SLITRK5: variants seen among roughly 807,000 people sequenced by gnomAD.
The protein encoded by SLITRK5 is SLIT and NTRK like family member 5.
A neutral mutation model predicts 56.2 loss-of-function variants in SLITRK5; 23 were observed. The ratio of observed to expected loss-of-function variants is 0.41; its 90% CI spans 0.29 to 0.58. The LOEUF (loss-of-function observed/expected upper bound fraction) is 0.58. Ranked by LOEUF, SLITRK5 falls within the 20% of genes least tolerant of loss-of-function variation. The pLI, the probability that SLITRK5 is intolerant of heterozygous loss-of-function variation, is 0.30. For missense variants in SLITRK5, 1,289 were observed against 1,226.6 expected (o/e 1.05, Z -0.76); for synonymous variants, 637 against 531.8 (o/e 1.20, Z -2.72).
chr13:87,677,880 C>T lies in SLITRK5; in HGVS notation c.2492C>T (p.Pro831Leu), dbSNP rs1347409052. 1 of 1,611,810 alleles carries T rather than the reference C, an allele frequency of 6.2e-7. No individual in the cohort carries two copies. Among genetic ancestry groups the T allele is most frequent in the South Asian group, 1.1e-5 (1 of 90,952 alleles). Residue 831 changes from proline to leucine, a missense_variant, in exon 2 of 2, where the codon CCC (proline) becomes CTC (leucine). By Grantham distance (98) the Pro-to-Leu change is moderately conservative. Transcript: ENST00000683689. The surrounding 1 kb of genome is among the most constrained non-coding windows in gnomAD (Gnocchi z 4.7). ...CGGGAAAGCCACCACTTGCGGAGCCCCGCCTACAGCGTCAGCACCATCGAG... is the reference window on the plus strand; with the variant it reads ...CGGGAAAGCCACCACTTGCGGAGCCTCGCCTACAGCGTCAGCACCATCGAG... ...ERRESHHLRS[P>L]AYSVSTIEPR...
In SLITRK5 at chr13:87,677,482, C is replaced by T. The variant is rs767618776; in HGVS notation, c.2094C>T (p.Asp698=). 1 of 1,611,936 alleles carries T rather than the reference C, an allele frequency of 6.2e-7. No individual in the cohort carries two copies. The highest frequency in any genetic ancestry group is 1.1e-5 in the South Asian group (1 of 91,084). Residue 698 remains aspartate, a synonymous_variant, in exon 2 of 2, where the codon GAC becomes GAT. Coordinates refer to ENST00000683689, the MANE Select transcript of SLITRK5 (RefSeq NM_001384609.1). This position sits in a 1 kb window ranked among gnomAD's most constrained non-coding sequence, Gnocchi z 4.7. ...VMKRRKKNQS[D]HTSTNNSDVS... is the part of the protein sequence containing the mutation. Reference sequence around the variant, plus strand: ...AGCGCAGGAAGAAGAACCAGAGCGACCACACCAGCACCAACAACTCCGACG... The same window carrying T: ...AGCGCAGGAAGAAGAACCAGAGCGATCACACCAGCACCAACAACTCCGACG...
Position 87,677,945 on chromosome 13 carries a change from C to A in SLITRK5, c.2557C>A (p.Arg853Ser). 2.5e-6 allele frequency: 4 copies of A among 1,613,848 alleles called. No individual in the cohort carries two copies. Among genetic ancestry groups the A allele is most frequent in the South Asian group, 1.1e-5 (1 of 91,054 alleles). ...DLLSPVQDADRFYRGILEPDK... is the reference protein window; with the variant it reads ...DLLSPVQDADSFYRGILEPDK... The stretch of plus-strand genomic sequence containing the variant: ...GCTGTCGCCGGTGCAGGACGCCGAC[C>A]GCTTTTACAGGGGCATTTTAGAACC... Residue 853 changes from arginine (R) to serine (S), a missense_variant, in exon 2 of 2, where the codon CGC becomes AGC. By Grantham distance (110) the Arg-to-Ser change is moderately radical. This residue lies in a region of SLITRK5 where 985 missense variants were observed against 906.0 expected (regional missense o/e 1.09). Coordinates refer to ENST00000683689, the MANE Select transcript of SLITRK5 (RefSeq NM_001384609.1). This position sits in a 1 kb window ranked among gnomAD's most constrained non-coding sequence, Gnocchi z 4.7.
rs749362959 is a variant in SLITRK5, at chr13:87,677,784, C to A, written c.2396C>A (p.Pro799Gln). Reference sequence around the variant, plus strand: ...CACCTGCAGCAGCAGCAGCAGCCGCCGCCGCCACCGCAGCAGCCACAGCAG... The same window carrying A: ...CACCTGCAGCAGCAGCAGCAGCCGCAGCCGCCACCGCAGCAGCCACAGCAG... ...NHHLQQQQQPPPPPQQPQQQP... is the reference protein window; with the variant it reads ...NHHLQQQQQPQPPPQQPQQQP... The change falls in exon 2 of 2, where the codon CCG becomes CAG. Residue 799 changes from proline to glutamine, a missense_variant. Transcript: ENST00000683689. The surrounding 1 kb of genome is among the most constrained non-coding windows in gnomAD (Gnocchi z 4.7). The A allele has an allele frequency of 6.2e-7, 1 of 1,609,128 alleles. No individual in the cohort carries two copies. Among genetic ancestry groups the A allele is most frequent in the South Asian group, 1.1e-5 (1 of 90,998 alleles).
rs1274276505 is a variant in SLITRK5, at chr13:87,671,881, AGGAGCTGCAGCCGCCGCCTTCGCT to A, written c.-331_-308del. 1.3e-5 allele frequency among the ~76,000 whole-genome samples: 2 copies of A among 152,008 alleles called. No homozygotes were observed. The highest frequency in any genetic ancestry group is 2.9e-5 in the Non-Finnish European group (2 of 67,994). Reference sequence around the variant, plus strand: ...TGCGCTGGGGGGCGGAGGACAGCGCAGGAGCTGCAGCCGCCGCCTTCGCTGGAGCAGCCGAGGGGCCGGTGCCAC... The same window carrying A: ...TGCGCTGGGGGGCGGAGGACAGCGCAGGAGCAGCCGAGGGGCCGGTGCCAC... On this transcript the variant is annotated 5_prime_UTR_variant, in exon 1 of 2. Coordinates refer to ENST00000683689, the MANE Select transcript of SLITRK5 (RefSeq NM_001384609.1).
Position 87,675,684 on chromosome 13 carries a change from A to G in SLITRK5, c.296A>G (p.Asn99Ser), listed in dbSNP as rs763298450. 6.8e-6 allele frequency: 11 copies of G among 1,614,146 alleles called. No individual in the cohort carries two copies. In the East Asian group the frequency reaches 1.6e-4, roughly 23 times the overall value. Residue 99 changes from asparagine to serine, a missense_variant, in exon 2 of 2, where the codon AAT (asparagine) becomes AGT (serine). Coordinates refer to ENST00000683689, the MANE Select transcript of SLITRK5 (RefSeq NM_001384609.1). ...SGNLLNRLYP[N>S]EFVNYTGASI... ...AACCTTTTGAACCGTCTCTATCCCA[A>G]TGAGTTTGTCAATTACACTGGGGCT... is the stretch of plus-strand genomic sequence containing the variant.
In SLITRK5 at chr13:87,671,490, C is replaced by T. The variant is rs1368450890; in HGVS notation, c.-728C>T. The stretch of plus-strand genomic sequence containing the variant: ...TGCACCCGCTCCGGAGCAGCTGTCT[C>T]AGAGACCCGGTGTTGCTTACCGCGT... On this transcript the variant is annotated 5_prime_UTR_variant, in exon 1 of 2. Coordinates refer to ENST00000683689, the MANE Select transcript of SLITRK5 (RefSeq NM_001384609.1). 6.6e-6 allele frequency among the ~76,000 whole-genome samples: 1 copy of T among 152,090 alleles called. No individual in the cohort carries two copies. The highest frequency in any genetic ancestry group is 1.5e-5 in the Non-Finnish European group (1 of 68,022).
rs774979104 is a variant in SLITRK5 at position 87,677,552 on chromosome 13, G to T, written c.2164G>T (p.Gly722Cys). 5.0e-6 allele frequency: 8 copies of T among 1,608,216 alleles called. No individual in the cohort carries two copies. Among genetic ancestry groups the T allele is most frequent in the Non-Finnish European group, 6.8e-6 (8 of 1,176,580 alleles). Residue 722 changes from glycine to cysteine, a missense_variant, in exon 2 of 2, where the codon GGC becomes TGC. Gly to Cys is a radical substitution (Grantham distance 159). Around this residue, in one of 3 missense-constraint regions of SLITRK5, gnomAD observed 985 missense variants for 906.0 expected, o/e 1.09. Transcript: ENST00000683689. The surrounding 1 kb of genome is among the most constrained non-coding windows in gnomAD (Gnocchi z 4.7). ...MQYSVYGGGG[G>C]TGGHPHAHVH... The stretch of plus-strand genomic sequence containing the variant: ...GTACAGCGTGTACGGCGGCGGCGGC[G>T]GCACGGGCGGCCACCCACACGCGCA...
rs754973203 is a variant in SLITRK5 at position 87,676,475 on chromosome 13, G to A, written c.1087G>A (p.Ala363Thr). 4 of 1,613,984 alleles carry A rather than the reference G, an allele frequency of 2.5e-6. No individual in the cohort carries two copies. Among genetic ancestry groups the A allele is most frequent in the East Asian group, 4.5e-5 (2 of 44,828 alleles). Reference sequence around the variant, plus strand: ...CTACAGCAACTATGGCCCCAGCATCGCCTATCAGACCAAATCCCCGGTGCC... The same window carrying A: ...CTACAGCAACTATGGCCCCAGCATCACCTATCAGACCAAATCCCCGGTGCC... ...LGYSNYGPSIAYQTKSPVPLE... is the reference protein window; with the variant it reads ...LGYSNYGPSITYQTKSPVPLE... The change falls in exon 2 of 2, where the codon GCC (alanine) becomes ACC (threonine). Residue 363 changes from alanine to threonine, a missense_variant. Physicochemically the swap from Ala to Thr is moderately conservative, Grantham distance 58. Transcript: ENST00000683689.
rs541840429 is a variant in SLITRK5, at chr13:87,679,341, A to G, written c.*1076A>G. 1.3e-4 allele frequency: 21 copies of G among 167,202 alleles called. No individual in the cohort carries two copies. The highest frequency in any genetic ancestry group is 7.8e-4 in the Admixed American group (12 of 15,290). The allele number at this position is 167,202 out of a possible 1,614,324, so 10.4% of individuals were successfully genotyped here. On this transcript the variant is annotated 3_prime_UTR_variant, in exon 2 of 2. Coordinates refer to ENST00000683689, the MANE Select transcript of SLITRK5 (RefSeq NM_001384609.1). The stretch of plus-strand genomic sequence containing the variant: ...ATTTTTATTAATGAACCAAAATGAC[A>G]TGTTCATTTGACTACTATTGTAGCC...
rs567466646 is a variant in SLITRK5 at position 87,671,607 on chromosome 13, A to G, written c.-611A>G. ...TGCCAGGACAAGCCACAGGCATAGAACGACGCGGTTGCTGCCCGCCCCCCC... is the reference window on the plus strand; with the variant it reads ...TGCCAGGACAAGCCACAGGCATAGAGCGACGCGGTTGCTGCCCGCCCCCCC... On this transcript the variant is annotated 5_prime_UTR_variant, in exon 1 of 2. Transcript: ENST00000683689. Among the ~76,000 whole-genome samples the G allele has an allele frequency of 5.3e-4, 80 of 152,012 alleles. No individual in the cohort carries two copies. Among genetic ancestry groups the G allele is most frequent in the African/African-American group, 1.9e-3 (78 of 41,470 alleles).
In SLITRK5 at chr13:87,678,590, A is replaced by G. The variant is rs543264615; in HGVS notation, c.*325A>G. On this transcript the variant is annotated 3_prime_UTR_variant, in exon 2 of 2. Coordinates refer to ENST00000683689, the MANE Select transcript of SLITRK5 (RefSeq NM_001384609.1). Reference sequence around the variant, plus strand: ...CATTTTTGTAGTGGTTGGAAGTGCTAAGAATGGTGGATGATGGCAGAGCAT... The same window carrying G: ...CATTTTTGTAGTGGTTGGAAGTGCTGAGAATGGTGGATGATGGCAGAGCAT... The G allele has an allele frequency of 1.4e-5, 4 of 285,276 alleles. No homozygotes were observed. The highest frequency in any genetic ancestry group is 2.8e-5 in the Non-Finnish European group (4 of 143,634). The allele number at this position is 285,276 out of a possible 1,614,324, so 17.7% of individuals were successfully genotyped here. A position where few individuals can be genotyped will look rare whatever the true frequency, so the allele number is the denominator to read the frequency against.
At position 87,678,234 on chromosome 13, in the gene SLITRK5, T is replaced by C. The variant is rs746586274; in HGVS notation, c.2846T>C (p.Leu949Pro). Residue 949 changes from leucine to proline, a missense_variant, in exon 2 of 2, where the codon CTG (leucine) becomes CCG (proline). This residue lies in a region of SLITRK5 where 985 missense variants were observed against 906.0 expected (regional missense o/e 1.09). Coordinates refer to ENST00000683689, the MANE Select transcript of SLITRK5 (RefSeq NM_001384609.1). The stretch of plus-strand genomic sequence containing the variant: ...GTTGAGCCGGACTACCTCGAAGTGC[T>C]GGAAAAACAGACCACGTTTAGCCAG... ...LNVEPDYLEV[L>P]EKQTTFSQF 2 of 1,613,260 alleles carry C rather than the reference T, an allele frequency of 1.2e-6. No individual in the cohort carries two copies. The highest frequency in any genetic ancestry group is 2.2e-5 in the South Asian group (2 of 90,952).
In SLITRK5 at chr13:87,678,410, A is replaced by C; in HGVS notation, c.*145A>C. On this transcript the variant is annotated 3_prime_UTR_variant, in exon 2 of 2. Coordinates refer to ENST00000683689, the MANE Select transcript of SLITRK5 (RefSeq NM_001384609.1). ...GGATTTCTCAGCTTCGGTGGAAGATACGAAAAGGGTGTGCAATTTCCTTTA... is the reference window on the plus strand; with the variant it reads ...GGATTTCTCAGCTTCGGTGGAAGATCCGAAAAGGGTGTGCAATTTCCTTTA... 1.3e-6 allele frequency: 1 copy of C among 756,702 alleles called. No homozygotes were observed. The highest frequency in any genetic ancestry group is 2.2e-6 in the Non-Finnish European group (1 of 461,958). The allele number at this position is 756,702 out of a possible 1,614,324, so 46.9% of individuals were successfully genotyped here. A position where few individuals can be genotyped will look rare whatever the true frequency, so the allele number is the denominator to read the frequency against.
In SLITRK5 at chr13:87,675,757, G is replaced by A. The variant is rs754642534; in HGVS notation, c.369G>A (p.Gly123=). The part of the protein sequence containing the change: ...GSNVIQDIET[G]AFHGLRGLRR... ...ATGTTATCCAGGACATTGAGACCGG[G>A]GCTTTCCATGGGCTACGGGGTTTGA... Residue 123 remains glycine (G), a synonymous_variant, in exon 2 of 2, where the codon GGG becomes GGA. Transcript: ENST00000683689. The A allele has an allele frequency of 6.2e-7, 1 of 1,614,098 alleles. No individual in the cohort carries two copies. Among genetic ancestry groups the A allele is most frequent in the South Asian group, 1.1e-5 (1 of 91,080 alleles).
At chr13:87,674,381 G>T in intron 1 of SLITRK5, 1 of 985,158 alleles carries the variant, frequency 1.0e-6, no homozygotes, top group Non-Finnish European at 1.2e-6. Flanking sequence ...TGCTATTACC[G>T]TTGCAAATAG....
rs1877031436 is a variant in SLITRK5, at chr13:87,671,689, T to C, written c.-529T>C. ...ATAGAGAGTTCCAACTAATGACGAT[T>C]GTGCGCCGCATCTGGGGAAGGGATA... On this transcript the variant is annotated 5_prime_UTR_variant, in exon 1 of 2. Coordinates refer to ENST00000683689, the MANE Select transcript of SLITRK5 (RefSeq NM_001384609.1). Among the ~76,000 whole-genome samples the C allele has an allele frequency of 6.6e-6, 1 of 151,906 alleles. No individual in the cohort carries two copies. Among genetic ancestry groups the C allele is most frequent in the Non-Finnish European group, 1.5e-5 (1 of 67,984 alleles).
rs1214993540 is a variant in SLITRK5, at chr13:87,677,905, G to C, written c.2517G>C (p.Glu839Asp). 1 of 1,613,492 alleles carries C rather than the reference G, an allele frequency of 6.2e-7. No homozygotes were observed. Among genetic ancestry groups the C allele is most frequent in the Non-Finnish European group, 8.5e-7 (1 of 1,179,732 alleles). ...RSPAYSVSTIEPREDLLSPVQ... is the reference protein window; with the variant it reads ...RSPAYSVSTIDPREDLLSPVQ... ...CCGCCTACAGCGTCAGCACCATCGA[G>C]CCCCGGGAGGACCTGCTGTCGCCGG... The change falls in exon 2 of 2, where the codon GAG (glutamate) becomes GAC (aspartate). Residue 839 changes from glutamate (E) to aspartate (D), a missense_variant. Transcript: ENST00000683689. The surrounding 1 kb of genome is among the most constrained non-coding windows in gnomAD (Gnocchi z 4.7).
Position 87,675,495 on chromosome 13 carries a change from C to T in SLITRK5, c.107C>T (p.Ser36Leu). The T allele has an allele frequency of 6.2e-7, 1 of 1,614,158 alleles. No homozygotes were observed. Among genetic ancestry groups the T allele is most frequent in the Non-Finnish European group, 8.5e-7 (1 of 1,180,020 alleles). ...LAFAVTSLVL[S>L]CAETIDYYGE... is the part of the protein sequence containing the mutation. ...TTTGCTGTAACATCTCTCGTCCTTT[C>T]GTGTGCAGAAACCATCGATTATTAT... Residue 36 changes from serine to leucine, a missense_variant, in exon 2 of 2, where the codon TCG becomes TTG. Ser to Leu is a moderately radical substitution (Grantham distance 145). Around this residue, in one of 3 missense-constraint regions of SLITRK5, gnomAD observed 291 missense variants for 286.7 expected, o/e 1.02. Coordinates refer to ENST00000683689, the MANE Select transcript of SLITRK5 (RefSeq NM_001384609.1).
At chr13:87,673,998 GCACACACAAACACA>G (rs1384390537) in intron 1 of SLITRK5, among the ~76,000 whole-genome samples, 23 of 133,174 alleles carry the variant, frequency 1.7e-4, no homozygotes, top group Non-Finnish European at 3.0e-4. Flanking sequence ...GCGCGCGCGC[GCACACACAAACACA>G]CACACACACA....
Sources: gnomAD v4.1 joint callset for allele counts (sites outside exome capture counted in the v4.1 genomes callset) on GRCh38, gnomAD v4.1.1 for gene constraint, gnomAD v4.1.1 regional missense constraint, Gnocchi (gnomAD v3.1) non-coding constraint, MANE v1.5 for transcripts, NCBI Gene and HGNC (gene_info 2026-07-23, HGNC 2026-07-21) for gene names.